The following EDEM3 variants were observed in gnomAD, a reference collection of about 807,000 sequenced individuals.
EDEM3 encodes ER degradation-enhancing alpha-mannosidase-like protein 3.
Under a neutral mutation model 110.2 loss-of-function variants are expected in EDEM3, and 60 were observed. That is an observed-to-expected ratio of 0.54 (90% CI 0.44 to 0.67). EDEM3 has a LOEUF of 0.67. Ranked by LOEUF, EDEM3 falls within the 30% of genes least tolerant of loss-of-function variation. The probability of loss-of-function intolerance (pLI) is 0.00; values close to 1 mark genes in which losing one functional copy is unlikely to be tolerated. For synonymous variants in EDEM3, 352 were observed against 382.9 expected, an observed-to-expected ratio of 0.92 and a Z score of 0.94; for missense variants, 996 against 1,121.0, an observed-to-expected ratio of 0.89 and a Z score of 1.59.
At position 184,709,543 on chromosome 1, in the gene EDEM3, G is replaced by C. The variant is rs538804772; in HGVS notation, c.1845+851C>G. ...CCAAAAAGGGAAAATGTTTTATGAA[G>C]GGTTCAGCCAATAGTTACAGAAAAG... is the stretch of plus-strand genomic sequence containing the variant. On this transcript the variant is annotated intron_variant, in intron 16 of 19. Coordinates refer to ENST00000318130, the MANE Select transcript of EDEM3 (RefSeq NM_025191.4). Among the ~76,000 whole-genome samples the C allele has an allele frequency of 4.6e-5, 7 of 152,300 alleles. 1 individual carries two copies. In the East Asian group the frequency reaches 1.4e-3, roughly 29 times the overall value.
intron 6 of EDEM3, among the ~76,000 whole-genome samples, chr1:184,729,935 A>G (rs1157231185): frequency 1.3e-5 from 2 of 152,212 alleles, no homozygotes; most frequent in African/African-American, 4.8e-5. Flanking sequence ...CTAAAAGTAA[A>G]CTGAATTAAG....
intron 6 of EDEM3, among the ~76,000 whole-genome samples, chr1:184,731,960 A>C (rs984753754): frequency 6.6e-6 from 1 of 152,094 alleles, no homozygotes; most frequent in Admixed American, 6.5e-5. Flanking sequence ...GTGGATCACA[A>C]GGTCAGGAGA....
At chr1:184,695,657 CCA>C (rs1175327272) in intron 19 of EDEM3, among the ~76,000 whole-genome samples, 58 of 152,028 alleles carry the variant, frequency 3.8e-4, no homozygotes, top group African/African-American at 1.3e-3. Context: ...TATTTCCTAT[CCA>C]CAGTTGGTTG....
rs565016954 is a variant in EDEM3 at position 184,711,128 on chromosome 1, C to T, written c.1692-581G>A. Among the ~76,000 whole-genome samples the T allele has an allele frequency of 4.6e-5, 7 of 151,708 alleles. No homozygotes were observed. The East Asian group carries it at 5.8e-4, about 13-fold the overall frequency. On this transcript the variant is annotated intron_variant, in intron 15 of 19. Coordinates refer to ENST00000318130, the MANE Select transcript of EDEM3 (RefSeq NM_025191.4). The stretch of plus-strand genomic sequence containing the variant: ...ATTTTTTTTTTTTGAGATGGAGTTT[C>T]GCTCTTGTCACCCAGACTGGAGTGC...
intron 7 of EDEM3, among the ~76,000 whole-genome samples, chr1:184,725,133 C>T (rs1329962522): frequency 6.6e-6 from 1 of 152,178 alleles, no homozygotes; most frequent in African/African-American, 2.4e-5. Context: ...AATGCTTTGT[C>T]AACTGCATCT....
chr1:184,695,676 T>C (rs975659308), intron 19 of EDEM3, among the ~76,000 whole-genome samples: 7 of 152,006 alleles, frequency 4.6e-5, no homozygotes, highest in African/African-American at 1.4e-4. Context: ...GTTGAATCCA[T>C]GGGTGCAGAA....
intron 19 of EDEM3, among the ~76,000 whole-genome samples, chr1:184,695,703 G>C (rs563777630): frequency 6.6e-6 from 1 of 152,082 alleles, no homozygotes; most frequent in Non-Finnish European, 1.5e-5. Context: ...GATACAGAGG[G>C]AGAACTGTAA....
At chr1:184,708,019 C>T in intron 17 of EDEM3, 134 bp downstream of exon 17, 1 of 808,026 alleles carries the variant, frequency 1.2e-6, no homozygotes, top group Non-Finnish European at 1.8e-6. Context: ...TTTTACTTTA[C>T]TTAAATCCAG....
chr1:184,727,347 G>T (rs1651246952), intron 6 of EDEM3, among the ~76,000 whole-genome samples: 1 of 152,026 alleles, frequency 6.6e-6, no homozygotes, highest in Non-Finnish European at 1.5e-5. Context: ...ATTAAAATTA[G>T]AATATTTTTC....
chr1:184,730,131 C>T (rs1238833275), intron 6 of EDEM3, among the ~76,000 whole-genome samples: 1 of 152,110 alleles, frequency 6.6e-6, no homozygotes, highest in African/African-American at 2.4e-5. Flanking sequence ...TACTTTTACA[C>T]AACACTGAGA....
chr1:184,754,303 G>C (rs1432444652), intron 1 of EDEM3, among the ~76,000 whole-genome samples, 186 bp downstream of exon 1: 1 of 151,420 alleles, frequency 6.6e-6, no homozygotes, highest in Non-Finnish European at 1.5e-5. Context: ...CAGCTCCCCC[G>C]AGGTCAGGTC....
chr1:184,702,118 C>T (rs763152048), intron 19 of EDEM3, among the ~76,000 whole-genome samples: 1 of 152,196 alleles, frequency 6.6e-6, no homozygotes, highest in Non-Finnish European at 1.5e-5. Context: ...CCTCATTTCT[C>T]CTCTATCCCT....
chr1:184,706,567 T>G, intron 18 of EDEM3, 76 bp downstream of exon 18: 3 of 1,367,300 alleles, frequency 2.2e-6, no homozygotes, highest in Non-Finnish European at 2.9e-6. Flanking sequence ...TTGATAAAAT[T>G]TTAGAAAATA....
intron 16 of EDEM3, 50 bp from the exon 17 acceptor site, chr1:184,708,394 C>T: frequency 6.3e-7 from 1 of 1,594,040 alleles, no homozygotes; most frequent in African/African-American, 1.4e-5. Flanking sequence ...AAACTTCCAC[C>T]AATTTTTTGA....
Position 184,712,009 on chromosome 1 carries a change from C to T in EDEM3, c.1537-132G>A, listed in dbSNP as rs1241560608. 6.2e-6 allele frequency: 4 copies of T among 648,974 alleles called. No individual in the cohort carries two copies. In the Admixed American group the frequency reaches 1.3e-4, roughly 22 times the overall value. 40.2% of individuals were successfully genotyped at this position (648,974 alleles called of 1,614,324 possible). A position where few individuals can be genotyped will look rare whatever the true frequency, so the allele number is the denominator to read the frequency against. ...TGGCGTAATCTCTGCTCACTGTAAG[C>T]TCCATCTCCTGGGTTCATGCCATTC... is the stretch of plus-strand genomic sequence containing the variant. On this transcript the variant is annotated intron_variant, in intron 14 of 19. Transcript: ENST00000318130.
chr1:184,721,880 C>A (rs1175858579), intron 8 of EDEM3, among the ~76,000 whole-genome samples: 3 of 151,718 alleles, frequency 2.0e-5, no homozygotes, highest in African/African-American at 7.3e-5. Context: ...GAGTCTAGAC[C>A]ACTTAGAACT....
chr1:184,694,468 A>G lies in EDEM3; in HGVS notation c.2394T>C (p.Pro798=). The part of the protein sequence containing the change: ...LLSDKAKDRD[P]EMENEEQPSS... Reference sequence around the variant, plus strand: ...ATGGTTGTTCTTCATTTTCCATTTCAGGATCTGTATGAGAAAGAAACAAAC... The same window carrying G: ...ATGGTTGTTCTTCATTTTCCATTTCGGGATCTGTATGAGAAAGAAACAAAC... The change falls in exon 20 of 20, where the codon CCT becomes CCC. Residue 798 remains proline (P), a synonymous_variant. Coordinates refer to ENST00000318130, the MANE Select transcript of EDEM3 (RefSeq NM_025191.4). 6.3e-7 allele frequency: 1 copy of G among 1,594,694 alleles called. No individual in the cohort carries two copies. Among genetic ancestry groups the G allele is most frequent in the South Asian group, 1.1e-5 (1 of 89,936 alleles).
intron 18 of EDEM3, among the ~76,000 whole-genome samples, chr1:184,703,503 C>T (rs958159279): frequency 2.0e-5 from 3 of 152,088 alleles, no homozygotes; most frequent in African/African-American, 4.8e-5. Context: ...ATATAATGCA[C>T]ACAAAGAATA....
chr1:184,725,314 C>T (rs1651128731), intron 7 of EDEM3, among the ~76,000 whole-genome samples: 1 of 152,162 alleles, frequency 6.6e-6, no homozygotes, highest in Non-Finnish European at 1.5e-5. Context: ...CTGTGCAGGT[C>T]TGTCATACTC....
Sources: allele counts gnomAD v4.1 joint callset (sites outside exome capture counted in the v4.1 genomes callset), GRCh38; gene constraint gnomAD v4.1.1; transcripts MANE v1.5; gene names NCBI Gene and HGNC (gene_info 2026-07-23, HGNC 2026-07-21).